The following LARGE1 variants were observed in gnomAD, a reference collection of about 807,000 sequenced individuals.
LARGE1 encodes the protein xylosyl- and glucuronyltransferase LARGE1.
LARGE1 carries 43 observed loss-of-function variants against 87.6 expected under a neutral mutation model. The observed-to-expected ratio is 0.49, with a 90% CI of 0.38 to 0.63. The LOEUF (loss-of-function observed/expected upper bound fraction) is 0.63. Among genes scored for constraint, LARGE1 ranks in the 30% least tolerant of loss-of-function variants. The pLI is 0.00. For missense variants in LARGE1, 802 were observed against 1,000.2 expected (o/e 0.80, Z 2.67); for synonymous variants, 434 against 394.6 (o/e 1.10, Z -1.18).
chr22:33,233,670 GA>G, intron 11 of LARGE1, among the ~76,000 whole-genome samples: 1 of 152,172 alleles, frequency 6.6e-6, no homozygotes, highest in Non-Finnish European at 1.5e-5. Context: ...AAGTCCCTAA[GA>G]AAAGGGCCTT....
chr22:33,824,053 G>A (rs186700534), intron 1 of LARGE1, among the ~76,000 whole-genome samples: 3 of 152,280 alleles, frequency 2.0e-5, no homozygotes, highest in African/African-American at 7.2e-5. Context: ...CTTTAAGGCT[G>A]ATATCATTAT....
chr22:33,833,669 G>A lies in LARGE1; in HGVS notation c.-82-72111C>T, dbSNP rs142195111. Among the ~76,000 whole-genome samples, 401 of 152,234 alleles carry A rather than the reference G, an allele frequency of 2.6e-3. 1 individual carries two copies. The highest frequency in any genetic ancestry group is 4.6e-3 in the Non-Finnish European group (312 of 68,004). On this transcript the variant is annotated intron_variant, in intron 1 of 14. Transcript: ENST00000397394. Reference sequence around the variant, plus strand: ...AGGTCAGTCTTTGTGCACAATTATTGTCATTTTTATTTATTTATTTTTATT... The same window carrying A: ...AGGTCAGTCTTTGTGCACAATTATTATCATTTTTATTTATTTATTTTTATT...
At chr22:33,207,446 C>A (rs1210282261) in intron 11 of LARGE1, among the ~76,000 whole-genome samples, 1 of 152,158 alleles carries the variant, frequency 6.6e-6, no homozygotes, top group South Asian at 2.1e-4. Flanking sequence ...TTGACTTCCT[C>A]CAAATATCTA....
chr22:33,636,826 C>A (rs1209626587), intron 3 of LARGE1, among the ~76,000 whole-genome samples: 1 of 152,124 alleles, frequency 6.6e-6, no homozygotes, highest in Non-Finnish European at 1.5e-5. Context: ...GCCACCATGC[C>A]CAGCCCCATG....
At chr22:33,809,128 T>C (rs1330844219) in intron 1 of LARGE1, among the ~76,000 whole-genome samples, 2 of 151,966 alleles carry the variant, frequency 1.3e-5, no homozygotes, top group Non-Finnish European at 2.9e-5. Context: ...AAAAATTAGC[T>C]GGGCGTGGTA....
At chr22:33,794,976 A>C (rs2085936127) in intron 1 of LARGE1, among the ~76,000 whole-genome samples, 1 of 152,190 alleles carries the variant, frequency 6.6e-6, no homozygotes. Flanking sequence ...AAATGAGGCC[A>C]AACTCCCTCA....
the LARGE1 span, among the ~76,000 whole-genome samples, chr22:33,145,301 T>C: frequency 6.6e-6 from 1 of 152,200 alleles, no homozygotes; most frequent in African/African-American, 2.4e-5. Flanking sequence ...TAAAGCTCAA[T>C]GGGCCATTAC....
intron 6 of LARGE1, among the ~76,000 whole-genome samples, chr22:33,540,962 C>T (rs2077174712): frequency 6.7e-6 from 1 of 149,498 alleles, no homozygotes. Context: ...GGCAAAACCC[C>T]ATCTCTATTA....
intron 6 of LARGE1, among the ~76,000 whole-genome samples, chr22:33,556,163 T>G (rs1005315853): frequency 6.6e-6 from 1 of 151,910 alleles, no homozygotes; most frequent in African/African-American, 2.4e-5. Flanking sequence ...CTTTTCCCTT[T>G]CAAGAGACTT....
Position 33,871,058 on chromosome 22 carries a change from T to C in LARGE1, c.-83+48937A>G, listed in dbSNP as rs374937780. ...GGTCTGGTGACACAGCCCACATCCCTAGCCTCTTTTAAAACTTTGTATTCC... is the reference window on the plus strand; with the variant it reads ...GGTCTGGTGACACAGCCCACATCCCCAGCCTCTTTTAAAACTTTGTATTCC... On this transcript the variant is annotated intron_variant, in intron 1 of 14. Transcript: ENST00000397394. Among the ~76,000 whole-genome samples, 37 of 152,352 alleles carry C rather than the reference T, an allele frequency of 2.4e-4. No individual in the cohort carries two copies. In the East Asian group the frequency reaches 6.2e-3, roughly 25 times the overall value.
In LARGE1 at chr22:33,676,035, G is replaced by T. The variant is rs142779476; in HGVS notation, c.107-25367C>A. ...TTTTTTAAGTACTTATTTAAATTCT[G>T]GTTCCAAAGAGAGTTCTATGTTTTT... On this transcript the variant is annotated intron_variant, in intron 2 of 14. Transcript: ENST00000397394. 5.1e-3 allele frequency among the ~76,000 whole-genome samples: 763 copies of T among 150,866 alleles called. 9 individuals are homozygous for T. Among genetic ancestry groups the T allele is most frequent in the African/African-American group, 0.018 (736 of 41,002 alleles).
chr22:33,643,347 A>G (rs1322567496), intron 3 of LARGE1, among the ~76,000 whole-genome samples: 4 of 152,224 alleles, frequency 2.6e-5, no homozygotes, highest in South Asian at 4.1e-4. Context: ...TCTGAAACCA[A>G]TGAGAACAAA....
At chr22:33,337,878 C>T in intron 9 of LARGE1, 77 bp from the exon 10 acceptor site, 1 of 1,454,128 alleles carries the variant, frequency 6.9e-7, no homozygotes, top group Non-Finnish European at 9.6e-7. Context: ...GAAGCCATGG[C>T]TCAGCACTGG....
intron 10 of LARGE1, among the ~76,000 whole-genome samples, chr22:33,323,781 T>A (rs576003894): frequency 6.6e-6 from 1 of 152,370 alleles, no homozygotes; most frequent in South Asian, 2.1e-4. Context: ...AATGAGCTAA[T>A]GCACGTAAAA....
At chr22:33,728,429 C>G (rs528950023) in intron 2 of LARGE1, among the ~76,000 whole-genome samples, 1 of 152,022 alleles carries the variant, frequency 6.6e-6, no homozygotes, top group African/African-American at 2.4e-5. Flanking sequence ...ATCCCAGCTA[C>G]TCAGGAGGCT....
chr22:33,313,384 C>T (rs922604594), intron 11 of LARGE1, among the ~76,000 whole-genome samples: 6 of 152,210 alleles, frequency 3.9e-5, no homozygotes, highest in Non-Finnish European at 8.8e-5. Context: ...CGGTGCACCT[C>T]CTGCACGACA....
intron 1 of LARGE1, among the ~76,000 whole-genome samples, chr22:33,871,800 A>G (rs2064292124): frequency 1.3e-5 from 2 of 152,214 alleles, no homozygotes; most frequent in Non-Finnish European, 1.5e-5. Flanking sequence ...ACAAATGGCA[A>G]TATTTAACTA....
intron 6 of LARGE1, among the ~76,000 whole-genome samples, chr22:33,534,133 G>C (rs930241764): frequency 1.3e-5 from 2 of 151,962 alleles, no homozygotes; most frequent in South Asian, 2.1e-4. Context: ...AGCCGGGCGT[G>C]GTGGCTCACG....
intron 4 of LARGE1, among the ~76,000 whole-genome samples, chr22:33,624,279 G>A (rs912989655): frequency 2.0e-5 from 3 of 152,090 alleles, no homozygotes; most frequent in African/African-American, 4.8e-5. Flanking sequence ...AGAAAATGAC[G>A]GCATGGGTTC....
Sources: gnomAD v4.1 joint callset for allele counts (sites outside exome capture counted in the v4.1 genomes callset) on GRCh38, gnomAD v4.1.1 for gene constraint, MANE v1.5 for transcripts, NCBI Gene and HGNC (gene_info 2026-07-23, HGNC 2026-07-21) for gene names.